The following ZBTB7C variants were observed in gnomAD, a reference collection of about 807,000 sequenced individuals.
ZBTB7C encodes zinc finger and BTB domain-containing protein 7C.
A neutral mutation model predicts 25.7 loss-of-function variants in ZBTB7C; 8 were observed. The observed-to-expected ratio is 0.31, with a 90% CI of 0.18 to 0.56. The LOEUF (loss-of-function observed/expected upper bound fraction) is 0.56. Ranked by LOEUF, ZBTB7C falls within the 20% of genes least tolerant of loss-of-function variation. The pLI is 0.91. For missense variants in ZBTB7C, 824 were observed against 855.2 expected, an observed-to-expected ratio of 0.96 and a Z score of 0.46; for synonymous variants, 394 against 369.0, an observed-to-expected ratio of 1.07 and a Z score of -0.78.
At chr18:48,176,893 A>C (rs1448955837) in intron 3 of ZBTB7C, among the ~76,000 whole-genome samples, 1 of 152,226 alleles carries the variant, frequency 6.6e-6, no homozygotes, top group Non-Finnish European at 1.5e-5. Context: ...GTTCCTAATC[A>C]AACCCATCTG....
chr18:48,167,544 C>T (rs1031295879), intron 3 of ZBTB7C, among the ~76,000 whole-genome samples: 2 of 87,304 alleles, frequency 2.3e-5, no homozygotes, highest in Non-Finnish European at 5.6e-5. Context: ...ATGTTAAATG[C>T]AGGCCACTGC....
In ZBTB7C at chr18:48,065,921, C is replaced by G. The variant is rs80322142; in HGVS notation, c.-16-24798G>C. On this transcript the variant is annotated intron_variant, in intron 3 of 4. Coordinates refer to ENST00000590800, the MANE Select transcript of ZBTB7C (RefSeq NM_001318841.2). ...TACACCCCCATCCCTGGAATTAGCT[C>G]AGGGTCAGGACTTGCCAGCTCTGCC... Among the ~76,000 whole-genome samples the G allele has an allele frequency of 5.5e-3, 845 of 152,292 alleles. 9 individuals are homozygous for G. Among genetic ancestry groups the G allele is most frequent in the East Asian group, 0.035 (179 of 5,176 alleles).
At chr18:48,215,645 G>A (rs1447036881) in intron 2 of ZBTB7C, among the ~76,000 whole-genome samples, 1 of 152,174 alleles carries the variant, frequency 6.6e-6, no homozygotes, top group Non-Finnish European at 1.5e-5. Flanking sequence ...TTGTTATGTA[G>A]ATGAAGCCTC....
intron 4 of ZBTB7C, among the ~76,000 whole-genome samples, chr18:48,038,029 G>A (rs1232638432): frequency 6.6e-6 from 1 of 152,170 alleles, no homozygotes; most frequent in Non-Finnish European, 1.5e-5. Context: ...CAGGTGTTCT[G>A]CCTGGTTCTG....
At chr18:48,067,843 A>G (rs1233939407) in intron 3 of ZBTB7C, among the ~76,000 whole-genome samples, 6 of 152,154 alleles carry the variant, frequency 3.9e-5, no homozygotes, top group African/African-American at 1.4e-4. Context: ...CTCTACTAAA[A>G]ATACAAAATT....
chr18:48,292,941 C>A (rs1221978738), intron 2 of ZBTB7C, among the ~76,000 whole-genome samples: 1 of 152,192 alleles, frequency 6.6e-6, no homozygotes, highest in Non-Finnish European at 1.5e-5. Context: ...TGTGGTGACA[C>A]CCCCACCCCT....
intron 2 of ZBTB7C, among the ~76,000 whole-genome samples, chr18:48,297,338 C>G (rs2045423723): frequency 6.6e-6 from 1 of 152,150 alleles, no homozygotes; most frequent in South Asian, 2.1e-4. Flanking sequence ...CTGTGTTTGC[C>G]TTTGGATTTT....
chr18:48,073,319 T>G (rs1050352662), intron 3 of ZBTB7C, among the ~76,000 whole-genome samples: 1 of 152,078 alleles, frequency 6.6e-6, no homozygotes, highest in Non-Finnish European at 1.5e-5. Context: ...GGCTACTGGC[T>G]AGGCTCAGCA....
chr18:48,330,911 C>A (rs1234545042), intron 2 of ZBTB7C, among the ~76,000 whole-genome samples: 1 of 152,092 alleles, frequency 6.6e-6, no homozygotes, highest in East Asian at 1.9e-4. Flanking sequence ...TGTGGGCGTG[C>A]GGAGGCAAGG....
At chr18:48,107,670 A>G (rs2039083255) in intron 3 of ZBTB7C, among the ~76,000 whole-genome samples, 21 of 152,116 alleles carry the variant, frequency 1.4e-4, no homozygotes, top group Admixed American at 1.4e-3. Context: ...GCCTCCTTGC[A>G]GCCCACTCTG....
intron 3 of ZBTB7C, among the ~76,000 whole-genome samples, chr18:48,171,411 C>T (rs976636535): frequency 6.6e-6 from 1 of 152,234 alleles, no homozygotes; most frequent in African/African-American, 2.4e-5. Context: ...CCTCACTTCC[C>T]CTACCTAGGC....
intron 2 of ZBTB7C, among the ~76,000 whole-genome samples, chr18:48,302,070 G>C (rs971573711): frequency 6.6e-6 from 1 of 152,128 alleles, no homozygotes; most frequent in African/African-American, 2.4e-5. Flanking sequence ...AAATTCTCAG[G>C]GGGGTGTATT....
chr18:48,406,984 G>T (rs944878760), intron 1 of ZBTB7C, among the ~76,000 whole-genome samples: 2 of 152,186 alleles, frequency 1.3e-5, no homozygotes, highest in African/African-American at 2.4e-5. Context: ...TGGCCAACTC[G>T]TAGTTCTTTT....
At chr18:48,152,109 C>T (rs1336659644) in intron 3 of ZBTB7C, among the ~76,000 whole-genome samples, 1 of 152,078 alleles carries the variant, frequency 6.6e-6, no homozygotes, top group Non-Finnish European at 1.5e-5. Flanking sequence ...CCTAATCAGC[C>T]ATGTGCTACT....
At chr18:48,161,669 T>C (rs1384656698) in intron 3 of ZBTB7C, among the ~76,000 whole-genome samples, 4 of 147,164 alleles carry the variant, frequency 2.7e-5, no homozygotes, top group African/African-American at 5.1e-5. Context: ...CGCAGCCCCC[T>C]TCCTGCAGCG....
At chr18:48,399,454 C>T (rs539388686) in intron 1 of ZBTB7C, among the ~76,000 whole-genome samples, 55 of 152,324 alleles carry the variant, frequency 3.6e-4, no homozygotes, top group Middle Eastern at 3.4e-3. Context: ...AAAAACAGTT[C>T]AAGGCAGCCT....
intron 1 of ZBTB7C, chr18:48,346,441 G>GC (rs1160852236): frequency 2.6e-5 from 4 of 152,306 alleles, no homozygotes; most frequent in Non-Finnish European, 4.4e-5. Context: ...GCAGAACATG[G>GC]GTTCCCCCAA....
At chr18:48,064,773 C>T (rs1309114317) in intron 3 of ZBTB7C, among the ~76,000 whole-genome samples, 3 of 152,026 alleles carry the variant, frequency 2.0e-5, no homozygotes, top group African/African-American at 7.2e-5. Flanking sequence ...GCAATAGGAA[C>T]AGGGAGAAGA....
chr18:48,151,171 G>A (rs1779447682), intron 3 of ZBTB7C, among the ~76,000 whole-genome samples: 1 of 152,252 alleles, frequency 6.6e-6, no homozygotes. Flanking sequence ...GCAGGAGGAG[G>A]TTTTCAACTG....
Sources: allele counts gnomAD v4.1 joint callset (sites outside exome capture counted in the v4.1 genomes callset), GRCh38; gene constraint gnomAD v4.1.1; transcripts MANE v1.5; gene names NCBI Gene and HGNC (gene_info 2026-07-23, HGNC 2026-07-21).